Variants in TUT7 observed in about 807,000 individuals in gnomAD.
TUT7 encodes the protein terminal uridylyl transferase 7.
TUT7 carries 33 observed loss-of-function variants against 165.9 expected under a neutral mutation model. The ratio of observed to expected loss-of-function variants is 0.20; its 90% CI spans 0.15 to 0.27. The LOEUF (loss-of-function observed/expected upper bound fraction) is 0.27, where lower values mean the gene tolerates loss of function less well. TUT7 is among the 10% of genes least tolerant of loss of function. TUT7 has a pLI of 1.00. For missense variants in TUT7, 1,338 were observed against 1,762.3 expected (o/e 0.76, Z 4.31); for synonymous variants, 552 against 608.1 (o/e 0.91, Z 1.36).
intron 26 of TUT7, among the ~76,000 whole-genome samples, chr9:86,298,591 G>A (rs7025888): frequency 6.6e-6 from 1 of 151,950 alleles, no homozygotes; most frequent in Non-Finnish European, 1.5e-5. Context: ...TGAAGAATTA[G>A]CTTTAGGAAA....
intron 10 of TUT7, among the ~76,000 whole-genome samples, chr9:86,335,826 G>A (rs146887373): frequency 3.9e-5 from 6 of 152,254 alleles, no homozygotes; most frequent in East Asian, 1.9e-4. Context: ...TGCCTTAATG[G>A]ATCCAATGAT....
chr9:86,294,776 A>G (rs1826169756), intron 26 of TUT7, among the ~76,000 whole-genome samples: 1 of 151,256 alleles, frequency 6.6e-6, no homozygotes, highest in African/African-American at 2.4e-5. Context: ...GTTTTAGGGT[A>G]CATGTGCACA....
chr9:86,336,111 C>A (rs1344814665), intron 10 of TUT7, among the ~76,000 whole-genome samples: 1 of 152,174 alleles, frequency 6.6e-6, no homozygotes, highest in Non-Finnish European at 1.5e-5. Context: ...AAGCAGATCT[C>A]ATTCAGTAAG....
chr9:86,293,687 A>G (rs1826063273), intron 26 of TUT7, among the ~76,000 whole-genome samples: 1 of 152,142 alleles, frequency 6.6e-6, no homozygotes, highest in Non-Finnish European at 1.5e-5. Flanking sequence ...ATGAGCGGGA[A>G]TTTATCCTGA....
chr9:86,314,675 T>C (rs1828540350), intron 17 of TUT7, among the ~76,000 whole-genome samples: 1 of 152,218 alleles, frequency 6.6e-6, no homozygotes, highest in Non-Finnish European at 1.5e-5. Context: ...TGCTGCCCTG[T>C]TGTCTACATT....
chr9:86,297,075 A>G (rs970842440), intron 26 of TUT7, among the ~76,000 whole-genome samples: 2 of 152,214 alleles, frequency 1.3e-5, no homozygotes, highest in African/African-American at 2.4e-5. Context: ...AAAGATTTAT[A>G]AATATGTAGG....
intron 1 of TUT7, among the ~76,000 whole-genome samples, chr9:86,353,576 A>G (rs1242133318): frequency 6.6e-6 from 1 of 152,218 alleles, no homozygotes; most frequent in East Asian, 1.9e-4. Context: ...GTTTCTCTTC[A>G]AAGAAAACCT....
intron 8 of TUT7, 165 bp downstream of exon 8, chr9:86,339,871 T>C (rs1378137310): frequency 6.0e-6 from 3 of 498,624 alleles, no homozygotes; most frequent in African/African-American, 3.9e-5. Flanking sequence ...GATTTTCCCC[T>C]TTTACATCAA....
chr9:86,312,295 G>A (rs1394428293), intron 17 of TUT7, among the ~76,000 whole-genome samples: 2 of 151,178 alleles, frequency 1.3e-5, no homozygotes, highest in Admixed American at 6.6e-5. Flanking sequence ...TGTGAGGAGC[G>A]TCTCTGCCCG....
intron 10 of TUT7, 61 bp from the exon 11 acceptor site, chr9:86,328,553 T>C: frequency 7.2e-7 from 1 of 1,391,740 alleles, no homozygotes; most frequent in South Asian, 1.5e-5. Context: ...AAACACAGTC[T>C]ACTAATCTTG....
chr9:86,303,015 T>C (rs1244979374), intron 25 of TUT7, 71 bp downstream of exon 25: 2 of 687,068 alleles, frequency 2.9e-6, no homozygotes, highest in South Asian at 2.1e-5. Context: ...TTTGTTATAA[T>C]AGTACCTCAT....
intron 17 of TUT7, among the ~76,000 whole-genome samples, chr9:86,316,938 A>G (rs1055390862): frequency 6.6e-6 from 1 of 152,246 alleles, no homozygotes; most frequent in Non-Finnish European, 1.5e-5. Flanking sequence ...AAAATACAGT[A>G]TAACAACTAT....
At chr9:86,318,301 A>C (rs1587921152) in intron 16 of TUT7, among the ~76,000 whole-genome samples, 1 of 152,060 alleles carries the variant, frequency 6.6e-6, no homozygotes, top group Non-Finnish European at 1.5e-5. Context: ...CAACTACTAA[A>C]CTCTGTACTT....
rs745967281 is a variant in TUT7 at position 86,317,280 on chromosome 9, C to A, written c.3217-4G>T. On this transcript the variant is annotated splice_polypyrimidine_tract_variant and splice_region_variant and intron_variant, in intron 16 of 26. Coordinates refer to ENST00000375963, the MANE Select transcript of TUT7 (RefSeq NM_024617.4). ...TAGTTCTGACACAGTCCAATCCCTA[C>A]AACAAAGAAGGCATAAAGAACTTAA... 2 of 1,612,762 alleles carry A rather than the reference C, an allele frequency of 1.2e-6. No individual in the cohort carries two copies. The highest frequency in any genetic ancestry group is 1.1e-5 in the South Asian group (1 of 90,838).
intron 26 of TUT7, 65 bp downstream of exon 26, chr9:86,301,211 G>T: frequency 7.4e-7 from 1 of 1,346,878 alleles, no homozygotes; most frequent in Non-Finnish European, 1.0e-6. Flanking sequence ...ATAGTAAAGA[G>T]CTCTAAAAAG....
rs1564039381 is a variant in TUT7 at position 86,308,583 on chromosome 9, T to G, written c.3684A>C (p.Gly1228=). Residue 1228 remains glycine, a synonymous_variant, in exon 22 of 27, where the codon GGA becomes GGC. Coordinates refer to ENST00000375963, the MANE Select transcript of TUT7 (RefSeq NM_024617.4). The part of the protein sequence containing the change: ...DELPTYWSEC[G]KNTESVGQLW... ...ACTGCCCAACAGATTCTGTATTTTT[T>G]CCACATTCTGACCAATAGGTAGGCT... 1 of 1,613,478 alleles carries G rather than the reference T, an allele frequency of 6.2e-7. No individual in the cohort carries two copies. The highest frequency in any genetic ancestry group is 1.7e-5 in the Admixed American group (1 of 59,902).
chr9:86,289,093 G>T (rs1055247582), intron 26 of TUT7, among the ~76,000 whole-genome samples: 7 of 152,126 alleles, frequency 4.6e-5, no homozygotes, highest in African/African-American at 1.7e-4. Flanking sequence ...ATAATAGATT[G>T]CAAAGAATTA....
chr9:86,297,334 T>G (rs1188074139), intron 26 of TUT7, among the ~76,000 whole-genome samples: 1 of 151,620 alleles, frequency 6.6e-6, no homozygotes, highest in Non-Finnish European at 1.5e-5. Flanking sequence ...CTGTCAGGTA[T>G]TATTATTACC....
Position 86,305,359 on chromosome 9 carries a change from G to C in TUT7, c.3839-120C>G. On this transcript the variant is annotated intron_variant, in intron 22 of 26. Coordinates refer to ENST00000375963, the MANE Select transcript of TUT7 (RefSeq NM_024617.4). ...CATCTACTTTGCTTATCATTAATAA[G>C]TTTTAAATTCACATGATAGAAAAGA... is the stretch of plus-strand genomic sequence containing the variant. The C allele has an allele frequency of 4.5e-6, 3 of 664,084 alleles. No homozygotes were observed. The Admixed American group carries it at 1.1e-4, about 23-fold the overall frequency. The allele number at this position is 664,084 out of a possible 1,614,324, so 41.1% of individuals were successfully genotyped here.
Sources: allele counts gnomAD v4.1 joint callset (sites outside exome capture counted in the v4.1 genomes callset), GRCh38; gene constraint gnomAD v4.1.1; transcripts MANE v1.5; gene names NCBI Gene and HGNC (gene_info 2026-07-23, HGNC 2026-07-21).